The following EXOC1L variants were observed in gnomAD, a reference collection of about 807,000 sequenced individuals.
EXOC1L encodes the protein exocyst complex component 1-like.
A neutral mutation model predicts 4.9 loss-of-function variants in EXOC1L; 10 were observed. The observed-to-expected ratio is 2.02, with a 90% CI of 1.25 to 3.43. The LOEUF (loss-of-function observed/expected upper bound fraction) is 3.43, where lower values mean the gene tolerates loss of function less well. EXOC1L is among the 30% of genes most tolerant of loss of function. The probability of loss-of-function intolerance (pLI) is 0.00; values close to 1 mark genes in which losing one functional copy is unlikely to be tolerated. For missense variants in EXOC1L, 114 were observed against 59.4 expected (o/e 1.92, Z -3.02); for synonymous variants, 41 against 20.8 (o/e 1.97, Z -2.63).
intron 1 of EXOC1L, among the ~76,000 whole-genome samples, chr4:55,820,541 A>G (rs1719714510): frequency 6.6e-6 from 1 of 152,248 alleles, no homozygotes; most frequent in South Asian, 2.1e-4. Flanking sequence ...TGAGTTATAC[A>G]GCACCATTTG....
chr4:55,825,992 G>A (rs1166834957), intron 1 of EXOC1L, among the ~76,000 whole-genome samples: 1 of 151,248 alleles, frequency 6.6e-6, no homozygotes, highest in Non-Finnish European at 1.5e-5. Context: ...GGCTGAGGCA[G>A]GAGAATCGCT....
intron 1 of EXOC1L, among the ~76,000 whole-genome samples, chr4:55,821,149 T>G (rs1212389707): frequency 1.3e-5 from 2 of 152,168 alleles, no homozygotes; most frequent in African/African-American, 4.8e-5. Context: ...TAGAATGTCT[T>G]TAAAGAACAT....
At chr4:55,822,211 A>G (rs1719762674) in intron 1 of EXOC1L, among the ~76,000 whole-genome samples, 1 of 152,188 alleles carries the variant, frequency 6.6e-6, no homozygotes, top group Admixed American at 6.5e-5. Context: ...TTCTCTTTAT[A>G]TGACCAGAGT....
chr4:55,820,163 T>C lies in EXOC1L; in HGVS notation c.121+16T>C. The stretch of plus-strand genomic sequence containing the variant: ...TGTGTGTCAGGTAATCTGTTCCTTC[T>C]GTTATCATTTCAAAAAGCAAGTCAC... On this transcript the variant is annotated intron_variant, in intron 1 of 2. Transcript: ENST00000636125. 2.5e-6 allele frequency: 1 copy of C among 398,934 alleles called. No individual in the cohort carries two copies. 24.7% of individuals were successfully genotyped at this position (398,934 alleles called of 1,614,324 possible).
chr4:55,825,930 C>G (rs917127910), intron 1 of EXOC1L, among the ~76,000 whole-genome samples: 1 of 151,528 alleles, frequency 6.6e-6, no homozygotes, highest in African/African-American at 2.4e-5. Context: ...ACTAAAAATA[C>G]AAAAATTAGC....
At chr4:55,827,507 C>G (rs890970774) in intron 1 of EXOC1L, among the ~76,000 whole-genome samples, 1 of 152,138 alleles carries the variant, frequency 6.6e-6, no homozygotes, top group African/African-American at 2.4e-5. Flanking sequence ...GGAATGATGC[C>G]TTATGAGATT....
intron 2 of EXOC1L, among the ~76,000 whole-genome samples, chr4:55,835,903 A>C (rs1164415955): frequency 6.6e-6 from 1 of 151,900 alleles, no homozygotes; most frequent in Admixed American, 6.6e-5. Context: ...CACAATCTTT[A>C]GGAACTATCA....
chr4:55,837,426 G>GC lies in EXOC1L; in HGVS notation c.*75_*76insC, dbSNP rs1029631144. On this transcript the variant is annotated 3_prime_UTR_variant, in exon 3 of 3. Coordinates refer to ENST00000636125, the MANE Select transcript of EXOC1L (RefSeq NM_001351574.3). ...AGTAAATATTGATTGTCATAATTTT[G>GC]TTTTTCCTTCATCAGTGATTATTAT... 1.3e-4 allele frequency: 57 copies of GC among 436,500 alleles called. 1 individual carries two copies. The highest frequency in any genetic ancestry group is 1.1e-3 in the African/African-American group (53 of 49,446). 27.0% of individuals were successfully genotyped at this position (436,500 alleles called of 1,614,324 possible). A position where few individuals can be genotyped will look rare whatever the true frequency, so the allele number is the denominator to read the frequency against.
rs550666123 is a variant in EXOC1L at position 55,831,403 on chromosome 4, A to T, written c.191A>T (p.Glu64Val). ...AGAATAGGTTTAGATGAAAAATATG[A>T]AGTAACAAAAAAGTGGTCTTTGAAC... ...HYRIGLDEKY[E>V]VTKKWSLNDL... Residue 64 changes from glutamate (E) to valine (V), a missense_variant, in exon 2 of 3, where the codon GAA becomes GTA. Glu to Val is a moderately radical substitution (Grantham distance 121). Coordinates refer to ENST00000636125, the MANE Select transcript of EXOC1L (RefSeq NM_001351574.3). 1.4e-6 allele frequency: 1 copy of T among 694,118 alleles called. No individual in the cohort carries two copies. Among genetic ancestry groups the T allele is most frequent in the African/African-American group, 1.8e-5 (1 of 56,854 alleles). 43.0% of individuals were successfully genotyped at this position (694,118 alleles called of 1,614,324 possible). A position where few individuals can be genotyped will look rare whatever the true frequency, so the allele number is the denominator to read the frequency against.
intron 1 of EXOC1L, among the ~76,000 whole-genome samples, chr4:55,821,440 C>T (rs925929145): frequency 3.9e-5 from 6 of 152,046 alleles, no homozygotes; most frequent in African/African-American, 1.4e-4. Context: ...AGAGAAGATG[C>T]TTATTCCAAC....
intron 1 of EXOC1L, among the ~76,000 whole-genome samples, chr4:55,827,107 C>T (rs1719904163): frequency 6.6e-6 from 1 of 152,172 alleles, no homozygotes; most frequent in Non-Finnish European, 1.5e-5. Context: ...CAGAGAAATG[C>T]ATGGCTTTCA....
chr4:55,831,224 G>T (rs1720021902), intron 1 of EXOC1L, 110 bp from the exon 2 acceptor site: 3 of 494,230 alleles, frequency 6.1e-6, no homozygotes, highest in Non-Finnish European at 1.1e-5. Flanking sequence ...TATAATGTGG[G>T]TTCAAGGTCA....
intron 1 of EXOC1L, among the ~76,000 whole-genome samples, chr4:55,827,452 G>A (rs1248151273): frequency 6.6e-6 from 1 of 152,100 alleles, no homozygotes; most frequent in Non-Finnish European, 1.5e-5. Flanking sequence ...GTAAGCACAG[G>A]TTTTCTTTCT....
intron 2 of EXOC1L, among the ~76,000 whole-genome samples, chr4:55,835,948 C>T (rs1311763323): frequency 6.6e-6 from 1 of 151,774 alleles, no homozygotes; most frequent in Non-Finnish European, 1.5e-5. Flanking sequence ...CATGATTATT[C>T]GCATGTAAAT....
intron 1 of EXOC1L, among the ~76,000 whole-genome samples, chr4:55,830,907 A>G (rs1219911536): frequency 6.6e-6 from 1 of 152,224 alleles, no homozygotes; most frequent in Non-Finnish European, 1.5e-5. Flanking sequence ...GCTGTAAAGC[A>G]GTACTGTTTA....
intron 1 of EXOC1L, among the ~76,000 whole-genome samples, chr4:55,829,164 C>T (rs1719962062): frequency 6.6e-6 from 1 of 152,154 alleles, no homozygotes. Flanking sequence ...ACCCACATCC[C>T]ATGCCCAGGT....
chr4:55,834,047 C>A (rs953757747), intron 2 of EXOC1L, among the ~76,000 whole-genome samples: 6 of 151,836 alleles, frequency 4.0e-5, no homozygotes, highest in Admixed American at 6.6e-5. Context: ...TGGGGGTCAG[C>A]ATTTATTACA....
chr4:55,829,325 A>G (rs1444699061), intron 1 of EXOC1L, among the ~76,000 whole-genome samples: 6 of 152,208 alleles, frequency 3.9e-5, no homozygotes, highest in Non-Finnish European at 7.3e-5. Flanking sequence ...CTATTTTACA[A>G]CATAAGAAAA....
At position 55,820,015 on chromosome 4, in the gene EXOC1L, G is replaced by C; in HGVS notation, c.-12G>C. On this transcript the variant is annotated 5_prime_UTR_variant, in exon 1 of 3. Coordinates refer to ENST00000636125, the MANE Select transcript of EXOC1L (RefSeq NM_001351574.3). ...TTGAGCCAAGACATCAGGCCAAGTG[G>C]AACTGGAGGAAATGTCATCATTGGT... The C allele has an allele frequency of 2.5e-6, 1 of 398,982 alleles. No homozygotes were observed. The highest frequency in any genetic ancestry group is 4.4e-6 in the Non-Finnish European group (1 of 226,062). 24.7% of individuals were successfully genotyped at this position (398,982 alleles called of 1,614,324 possible).
Sources: gnomAD v4.1 joint callset for allele counts (sites outside exome capture counted in the v4.1 genomes callset) on GRCh38, gnomAD v4.1.1 for gene constraint, MANE v1.5 for transcripts, NCBI Gene and HGNC (gene_info 2026-07-23, HGNC 2026-07-21) for gene names.